TMPRSS15: variants seen among roughly 807,000 people sequenced by gnomAD.
TMPRSS15 encodes enteropeptidase.
TMPRSS15 carries 128 observed loss-of-function variants against 125.3 expected under a neutral mutation model. The observed-to-expected ratio is 1.02, with a 90% CI of 0.89 to 1.18. The LOEUF (loss-of-function observed/expected upper bound fraction) is 1.18, where lower values mean the gene tolerates loss of function less well. TMPRSS15 is among the 50% of genes most tolerant of loss of function. The pLI is 0.00. For missense variants in TMPRSS15, 1,283 were observed against 1,212.7 expected (o/e 1.06, Z -0.86); for synonymous variants, 446 against 423.2 (o/e 1.05, Z -0.66).
chr21:18,413,484 C>T (rs2076172628), intron 1 of TMPRSS15, among the ~76,000 whole-genome samples: 1 of 151,090 alleles, frequency 6.6e-6, no homozygotes, highest in Non-Finnish European at 1.5e-5. Flanking sequence ...GTGGCTTGGT[C>T]TCGGGTCACT....
chr21:18,353,634 T>A lies in TMPRSS15; in HGVS notation c.1021+89A>T. On this transcript the variant is annotated intron_variant, in intron 9 of 24. Coordinates refer to ENST00000284885, the MANE Select transcript of TMPRSS15 (RefSeq NM_002772.3). ...AGATACTCATTATAAAATTACATCA[T>A]GAAAATTTTAGATTCTGCTACCTTT... 4.9e-6 allele frequency: 6 copies of A among 1,232,968 alleles called. No homozygotes were observed. In the South Asian group the frequency reaches 8.1e-5, roughly 17 times the overall value. 76.4% of individuals were successfully genotyped at this position (1,232,968 alleles called of 1,614,324 possible). A position where few individuals can be genotyped will look rare whatever the true frequency, so the allele number is the denominator to read the frequency against.
At chr21:18,427,540 T>C (rs1601459256) in intron 1 of TMPRSS15, among the ~76,000 whole-genome samples, 3 of 152,330 alleles carry the variant, frequency 2.0e-5, no homozygotes, top group Admixed American at 2.0e-4. Flanking sequence ...TAGGGGACTT[T>C]AGTTGCAGGC....
intron 1 of TMPRSS15, among the ~76,000 whole-genome samples, chr21:18,402,407 T>C (rs1006278103): frequency 6.6e-6 from 1 of 151,548 alleles, no homozygotes; most frequent in Non-Finnish European, 1.5e-5. Flanking sequence ...CGCGCACCTG[T>C]AGTCCCAGCT....
intron 14 of TMPRSS15, among the ~76,000 whole-genome samples, 166 bp from the exon 15 acceptor site, chr21:18,329,460 TTTG>T (rs1433438045): frequency 3.2e-5 from 4 of 123,100 alleles, no homozygotes; most frequent in African/African-American, 9.3e-5. Flanking sequence ...TTATTTTTTT[TTTG>T]GTAAGAAAAT....
intron 1 of TMPRSS15, among the ~76,000 whole-genome samples, chr21:18,418,540 C>T (rs2076185279): frequency 6.6e-6 from 1 of 152,138 alleles, no homozygotes; most frequent in Non-Finnish European, 1.5e-5. Flanking sequence ...TTGATCTATA[C>T]GTGGCCTCTT....
chr21:18,289,081 T>G (rs2146887923), intron 21 of TMPRSS15, among the ~76,000 whole-genome samples: 1 of 152,258 alleles, frequency 6.6e-6, no homozygotes, highest in African/African-American at 2.4e-5. Flanking sequence ...GCATGAGACA[T>G]TCAAAAAAAT....
chr21:18,274,986 C>T (rs1484987107), intron 24 of TMPRSS15, among the ~76,000 whole-genome samples: 4 of 152,154 alleles, frequency 2.6e-5, no homozygotes, highest in South Asian at 2.1e-4. Context: ...CCAAAAGCAT[C>T]GATTTGTAAC....
chr21:18,458,024 G>A (rs1365416757), intron 1 of TMPRSS15, among the ~76,000 whole-genome samples: 2 of 152,222 alleles, frequency 1.3e-5, no homozygotes, highest in Non-Finnish European at 2.9e-5. Context: ...GCATTGAGAC[G>A]AAGCCCAGGA....
intron 24 of TMPRSS15, among the ~76,000 whole-genome samples, chr21:18,274,609 T>A (rs927248390): frequency 2.6e-5 from 4 of 152,206 alleles, no homozygotes; most frequent in African/African-American, 9.7e-5. Flanking sequence ...TAATATACAG[T>A]GTAAACGATA....
At chr21:18,410,179 C>T (rs2076162370) in intron 1 of TMPRSS15, among the ~76,000 whole-genome samples, 1 of 149,720 alleles carries the variant, frequency 6.7e-6, no homozygotes, top group African/African-American at 2.5e-5. Context: ...TATAAATTCA[C>T]ATGAGGCTGT....
At chr21:18,425,377 G>A (rs1482046629) in intron 1 of TMPRSS15, among the ~76,000 whole-genome samples, 2 of 152,028 alleles carry the variant, frequency 1.3e-5, no homozygotes, top group African/African-American at 4.8e-5. Flanking sequence ...TAAAAGAAAG[G>A]CTTCATATCT....
intron 1 of TMPRSS15, among the ~76,000 whole-genome samples, chr21:18,440,401 T>G (rs1487295697): frequency 1.5e-5 from 2 of 129,950 alleles, no homozygotes; most frequent in African/African-American, 5.6e-5. Context: ...AAAACTGTAG[T>G]GATGTGTATT....
chr21:18,280,339 G>A (rs1022874543), intron 22 of TMPRSS15, among the ~76,000 whole-genome samples: 14 of 152,216 alleles, frequency 9.2e-5, no homozygotes, highest in African/African-American at 2.4e-4. Flanking sequence ...CACTTTGGGA[G>A]GGCAAGGTGG....
At chr21:18,374,244 C>T (rs1472920250) in intron 5 of TMPRSS15, among the ~76,000 whole-genome samples, 3 of 151,232 alleles carry the variant, frequency 2.0e-5, no homozygotes, top group Admixed American at 1.3e-4. Flanking sequence ...GAGGCCGAGG[C>T]GGGTGGATCA....
chr21:18,346,133 C>G (rs1015465887), intron 10 of TMPRSS15, among the ~76,000 whole-genome samples: 36 of 151,932 alleles, frequency 2.4e-4, no homozygotes, highest in Non-Finnish European at 4.0e-4. Flanking sequence ...GTGATATCAG[C>G]TACATTCTTT....
intron 16 of TMPRSS15, among the ~76,000 whole-genome samples, chr21:18,316,722 T>C (rs569158980): frequency 6.6e-6 from 1 of 152,286 alleles, no homozygotes; most frequent in Non-Finnish European, 1.5e-5. Context: ...AGTGGAAACA[T>C]TCCTTATTTA....
At chr21:18,456,930 G>A (rs1414076581) in intron 1 of TMPRSS15, among the ~76,000 whole-genome samples, 1 of 152,050 alleles carries the variant, frequency 6.6e-6, no homozygotes, top group Admixed American at 6.6e-5. Flanking sequence ...CCTGAATGCA[G>A]CAGTCAATAC....
chr21:18,300,210 T>TTTC (rs1568992145), intron 18 of TMPRSS15, among the ~76,000 whole-genome samples: 2 of 150,492 alleles, frequency 1.3e-5, no homozygotes, highest in Admixed American at 6.6e-5. Context: ...CTTTCTTTCT[T>TTTC]TTTCTTTCTC....
At chr21:18,333,268 A>G (rs1186827941) in intron 13 of TMPRSS15, among the ~76,000 whole-genome samples, 6 of 152,188 alleles carry the variant, frequency 3.9e-5, no homozygotes, top group Non-Finnish European at 1.5e-5. Context: ...AATTGGAAAA[A>G]AAAATAGATA....
Sources: allele counts gnomAD v4.1 joint callset (sites outside exome capture counted in the v4.1 genomes callset), GRCh38; gene constraint gnomAD v4.1.1; transcripts MANE v1.5; gene names NCBI Gene and HGNC (gene_info 2026-07-23, HGNC 2026-07-21).